The following SLC20A1 variants were observed in gnomAD, a reference collection of about 807,000 sequenced individuals.
SLC20A1 encodes solute carrier family 20 member 1, also known as sodium-dependent phosphate transporter 1.
A neutral mutation model predicts 62.7 loss-of-function variants in SLC20A1; 28 were observed. The ratio of observed to expected loss-of-function variants is 0.45; its 90% CI spans 0.33 to 0.61. The LOEUF is 0.61. Ranked by LOEUF, SLC20A1 falls within the 20% of genes least tolerant of loss-of-function variation. The pLI, the probability that SLC20A1 is intolerant of heterozygous loss-of-function variation, is 0.02. For synonymous variants in SLC20A1, 305 were observed against 302.9 expected (o/e 1.01, Z -0.07); for missense variants, 673 against 838.6 (o/e 0.80, Z 2.44).
At chr2:112,650,895 T>C (rs911325374) in intron 4 of SLC20A1, among the ~76,000 whole-genome samples, 1 of 152,192 alleles carries the variant, frequency 6.6e-6, no homozygotes, top group Non-Finnish European at 1.5e-5. Context: ...GTGCTAGGAT[T>C]ACAGACAGAC....
intron 10 of SLC20A1, among the ~76,000 whole-genome samples, chr2:112,661,942 G>A (rs1686760091): frequency 6.6e-6 from 1 of 152,174 alleles, no homozygotes; most frequent in South Asian, 2.1e-4. Flanking sequence ...TGGCCAGGTG[G>A]GTTTCTGCTG....
intron 6 of SLC20A1, among the ~76,000 whole-genome samples, chr2:112,657,853 G>A (rs2104648693): frequency 6.6e-6 from 1 of 152,338 alleles, no homozygotes; most frequent in Non-Finnish European, 1.5e-5. Context: ...GAATCATTTA[G>A]GCCATTACCA....
Position 112,646,836 on chromosome 2 carries a change from C to T in SLC20A1, c.8C>T (p.Thr3Met), listed in dbSNP as rs1168090440. ...CAACCACTACTCCAGAGAATGGCAA[C>T]GCTGATTACCAGTACTACAGCTGCT... MA[T>M]LITSTTAATA... Residue 3 changes from threonine to methionine, a missense_variant, in exon 2 of 11, where the codon ACG (threonine) becomes ATG (methionine). Thr to Met is a moderately conservative substitution (Grantham distance 81). Transcript: ENST00000272542. 1 of 1,604,458 alleles carries T rather than the reference C, an allele frequency of 6.2e-7. No homozygotes were observed. The highest frequency in any genetic ancestry group is 8.5e-7 in the Non-Finnish European group (1 of 1,173,322).
At chr2:112,662,781 T>C in intron 10 of SLC20A1, 83 bp from the exon 11 acceptor site, 3 of 1,436,330 alleles carry the variant, frequency 2.1e-6, no homozygotes, top group Non-Finnish European at 2.9e-6. Context: ...TGGGGCTCCT[T>C]GTCCAAACAG....
chr2:112,651,900 C>CT (rs892631605), intron 4 of SLC20A1: 20 of 152,204 alleles, frequency 1.3e-4, no homozygotes, highest in African/African-American at 4.1e-4. Context: ...TGGTTTGCCC[C>CT]TTCTGTACCC....
At chr2:112,648,423 G>A (rs1040694140) in intron 4 of SLC20A1, among the ~76,000 whole-genome samples, 26 of 152,230 alleles carry the variant, frequency 1.7e-4, no homozygotes, top group Non-Finnish European at 2.5e-4. Context: ...CTGAGTTACA[G>A]TGAGGATAAA....
Position 112,660,558 on chromosome 2 carries a change from G to A in SLC20A1, c.1779G>A (p.Pro593=), listed in dbSNP as rs770950973. The part of the protein sequence containing the change: ...VIQTMGKDLT[P]ITPSSGFSIE... Reference sequence around the variant, plus strand: ...AGACCATGGGGAAGGATCTGACACCGATCACACCCTCTAGGTAAGTAGGTG... The same window carrying A: ...AGACCATGGGGAAGGATCTGACACCAATCACACCCTCTAGGTAAGTAGGTG... The change falls in exon 9 of 11, where the codon CCG becomes CCA. Residue 593 remains proline, a synonymous_variant. Transcript: ENST00000272542. 36 of 1,613,462 alleles carry A rather than the reference G, an allele frequency of 2.2e-5. 1 individual carries two copies. The highest frequency in any genetic ancestry group is 3.3e-4 in the Middle Eastern group (2 of 6,082).
rs1686326219 is a variant in SLC20A1 at position 112,647,798 on chromosome 2, C to G, written c.561+60C>G. ...GAGCACACCCAATCGATTTCAAACC[C>G]AGTGGTACTTTTGCAGATGTGATTG... On this transcript the variant is annotated intron_variant, in intron 4 of 10. Coordinates refer to ENST00000272542, the MANE Select transcript of SLC20A1 (RefSeq NM_005415.5). The G allele has an allele frequency of 5.9e-6, 8 of 1,360,204 alleles. No individual in the cohort carries two copies. In the South Asian group the frequency reaches 9.3e-5, roughly 16 times the overall value. 84.3% of individuals were successfully genotyped at this position (1,360,204 alleles called of 1,614,324 possible).
chr2:112,651,241 T>C (rs550216976), intron 4 of SLC20A1, among the ~76,000 whole-genome samples: 8 of 152,328 alleles, frequency 5.3e-5, no homozygotes, highest in African/African-American at 1.9e-4. Flanking sequence ...GCTACTAACT[T>C]TCCAGTGTAT....
chr2:112,647,252 T>G, intron 2 of SLC20A1, 72 bp from the exon 3 acceptor site: 1 of 1,586,840 alleles, frequency 6.3e-7, no homozygotes, highest in Non-Finnish European at 8.6e-7. Flanking sequence ...CCTTTCCGAT[T>G]AACCTTTCTG....
At chr2:112,660,611 AT>A in intron 9 of SLC20A1, 39 bp downstream of exon 9, 1 of 1,566,702 alleles carries the variant, frequency 6.4e-7, no homozygotes, top group Admixed American at 1.9e-5. Context: ...GTCAGTACTC[AT>A]TTTTTTCAGA....
In SLC20A1 at chr2:112,662,868, G is replaced by A. The variant is rs1425680604; in HGVS notation, c.1883G>A (p.Gly628Asp). Residue 628 changes from glycine (G) to aspartate (D), a missense_variant, in exon 11 of 11, where the codon GGC becomes GAC. Physicochemically the swap from Gly to Asp is moderately conservative, Grantham distance 94 (BLOSUM62 -1). Coordinates refer to ENST00000272542, the MANE Select transcript of SLC20A1 (RefSeq NM_005415.5). ...CTTGGTCTGCTTCTCTTCTAGGTGGGCTCTGTTGTGTCTGTTGGCTGGCTC... is the reference window on the plus strand; with the variant it reads ...CTTGGTCTGCTTCTCTTCTAGGTGGACTCTGTTGTGTCTGTTGGCTGGCTC... ...LPISTTHCKV[G>D]SVVSVGWLRS... 1 of 1,613,932 alleles carries A rather than the reference G, an allele frequency of 6.2e-7. No individual in the cohort carries two copies. Among genetic ancestry groups the A allele is most frequent in the Admixed American group, 1.7e-5 (1 of 60,006 alleles).
chr2:112,660,600 T>C (rs1017210520), intron 9 of SLC20A1, 28 bp downstream of exon 9: 4 of 1,588,118 alleles, frequency 2.5e-6, no homozygotes, highest in African/African-American at 1.4e-5. Flanking sequence ...GTTCTACAAA[T>C]GTCAGTACTC....
chr2:112,654,711 T>C (rs1223209803), intron 5 of SLC20A1, among the ~76,000 whole-genome samples: 1 of 151,830 alleles, frequency 6.6e-6, no homozygotes, highest in South Asian at 2.1e-4. Context: ...CCTGGCCAAG[T>C]TGGTGAAACC....
At chr2:112,655,569 C>T (rs1449958540) in intron 5 of SLC20A1, among the ~76,000 whole-genome samples, 2 of 137,624 alleles carry the variant, frequency 1.5e-5, no homozygotes, top group Non-Finnish European at 3.1e-5. Context: ...GGGATGGGGT[C>T]TTGCTGTGTT....
chr2:112,652,504 AAAAC>A, intron 4 of SLC20A1, 194 bp from the exon 5 acceptor site: 1 of 586,468 alleles, frequency 1.7e-6, no homozygotes, highest in Non-Finnish European at 3.0e-6. Context: ...AAAAGAAAAA[AAAAC>A]AGGTAGAAGT....
rs376550343 is a variant in SLC20A1, at chr2:112,647,754, C to A, written c.561+16C>A. 1.3e-5 allele frequency: 21 copies of A among 1,586,442 alleles called. No homozygotes were observed. Among genetic ancestry groups the A allele is most frequent in the Admixed American group, 5.0e-5 (3 of 59,952 alleles). On this transcript the variant is annotated intron_variant, in intron 4 of 10. Coordinates refer to ENST00000272542, the MANE Select transcript of SLC20A1 (RefSeq NM_005415.5). ...CCTCCATAAGGTAACCTTTCTCCCC[C>A]GTATGAAGACCTTTCATGGAGCACA...
intron 5 of SLC20A1, among the ~76,000 whole-genome samples, chr2:112,654,053 A>G (rs1421823975): frequency 6.6e-6 from 1 of 152,130 alleles, no homozygotes; most frequent in Non-Finnish European, 1.5e-5. Flanking sequence ...CAGCCTCCCA[A>G]AGTGCTGGGA....
At chr2:112,657,576 A>G (rs1686626658) in intron 6 of SLC20A1, among the ~76,000 whole-genome samples, 1 of 152,228 alleles carries the variant, frequency 6.6e-6, no homozygotes, top group Non-Finnish European at 1.5e-5. Flanking sequence ...GCCTACATTT[A>G]CTGAGAAGTA....
Sources: gnomAD v4.1 joint callset for allele counts (sites outside exome capture counted in the v4.1 genomes callset) on GRCh38, gnomAD v4.1.1 for gene constraint, MANE v1.5 for transcripts, NCBI Gene and HGNC (gene_info 2026-07-23, HGNC 2026-07-21) for gene names.